GRM5: variants seen among roughly 807,000 people sequenced by gnomAD.
The protein encoded by GRM5 is glutamate metabotropic receptor 5, also known as metabotropic glutamate receptor 5.
GRM5 carries 19 observed loss-of-function variants against 83.1 expected under a neutral mutation model. The observed-to-expected ratio is 0.23, with a 90% CI of 0.16 to 0.34. The LOEUF is 0.34. Among genes scored for constraint, GRM5 ranks in the 10% least tolerant of loss-of-function variants. GRM5 has a pLI of 1.00. For synonymous variants in GRM5, 675 were observed against 633.6 expected (o/e 1.07, Z -0.98); for missense variants, 1,160 against 1,588.3 (o/e 0.73, Z 4.58).
intron 4 of GRM5, among the ~76,000 whole-genome samples, chr11:88,647,430 A>T (rs1371263709): frequency 6.6e-6 from 1 of 152,042 alleles, no homozygotes; most frequent in Non-Finnish European, 1.5e-5. Flanking sequence ...GAGCCCCAAA[A>T]GTATGGTAAC....
At chr11:88,999,310 A>C (rs1453598104) in intron 2 of GRM5, among the ~76,000 whole-genome samples, 1 of 152,212 alleles carries the variant, frequency 6.6e-6, no homozygotes, top group African/African-American at 2.4e-5. Flanking sequence ...CAACCTACAG[A>C]ATGGGAGAAA....
chr11:88,534,397 C>T (rs542529482), intron 8 of GRM5, among the ~76,000 whole-genome samples: 5 of 152,292 alleles, frequency 3.3e-5, no homozygotes, highest in Admixed American at 6.5e-5. Flanking sequence ...CTTGCAGTAG[C>T]GTGACCTGGA....
At chr11:88,633,415 A>T (rs1289013628) in intron 4 of GRM5, among the ~76,000 whole-genome samples, 2 of 152,188 alleles carry the variant, frequency 1.3e-5, no homozygotes, top group African/African-American at 4.8e-5. Context: ...GTCGCGTATA[A>T]GAAACCTTTT....
Position 88,604,729 on chromosome 11 carries a change from G to T in GRM5, c.1383C>A (p.Asp461Glu). 1 of 1,611,456 alleles carries T rather than the reference G, an allele frequency of 6.2e-7. No individual in the cohort carries two copies. The highest frequency in any genetic ancestry group is 8.5e-7 in the Non-Finnish European group (1 of 1,177,640). Residue 461 changes from aspartate (D) to glutamate (E), a missense_variant, in exon 5 of 10, where the codon GAC becomes GAA. Around this residue, in one of 9 missense-constraint regions of GRM5, gnomAD observed 132 missense variants for 197.6 expected, o/e 0.67. Transcript: ENST00000305447. ...GDTILFDENG[D>E]SPGRYEIMNF... ...TTGTAACACAATACCTTCCTGGAGAGTCTCCATTCTCATCGAATAGGATCG... is the reference window on the plus strand; with the variant it reads ...TTGTAACACAATACCTTCCTGGAGATTCTCCATTCTCATCGAATAGGATCG...
chr11:89,046,379 T>C (rs1941642912), intron 2 of GRM5, among the ~76,000 whole-genome samples: 1 of 152,186 alleles, frequency 6.6e-6, no homozygotes, highest in Non-Finnish European at 1.5e-5. Flanking sequence ...ACACATTTTT[T>C]TTTTTCTAGA....
At chr11:88,884,651 T>A (rs935201507) in intron 2 of GRM5, among the ~76,000 whole-genome samples, 1 of 152,176 alleles carries the variant, frequency 6.6e-6, no homozygotes, top group Non-Finnish European at 1.5e-5. Context: ...CTCCCATAAT[T>A]CCCATGTGTC....
intron 3 of GRM5, among the ~76,000 whole-genome samples, chr11:88,795,443 C>A (rs1219794852): frequency 1.3e-5 from 2 of 152,050 alleles, no homozygotes; most frequent in Non-Finnish European, 2.9e-5. Flanking sequence ...TGACCATGAA[C>A]AAAGATACTC....
intron 4 of GRM5, among the ~76,000 whole-genome samples, chr11:88,617,783 C>G (rs1166057858): frequency 6.6e-6 from 1 of 152,080 alleles, no homozygotes; most frequent in Non-Finnish European, 1.5e-5. Flanking sequence ...CCACTTGGTT[C>G]CCATGGCAGG....
intron 9 of GRM5, among the ~76,000 whole-genome samples, chr11:88,524,448 C>A (rs1941810844): frequency 6.6e-6 from 1 of 152,068 alleles, no homozygotes; most frequent in Admixed American, 6.6e-5. Flanking sequence ...GAACTCCTGA[C>A]CTCAGCTGAT....
At chr11:88,670,755 C>T (rs1443952800) in intron 3 of GRM5, among the ~76,000 whole-genome samples, 5 of 151,980 alleles carry the variant, frequency 3.3e-5, no homozygotes, top group Admixed American at 3.3e-4. Context: ...CTACGAATAG[C>T]ACTACTCACA....
chr11:88,757,512 C>A (rs1381930701), intron 3 of GRM5, among the ~76,000 whole-genome samples: 2 of 152,064 alleles, frequency 1.3e-5, no homozygotes, highest in Non-Finnish European at 1.5e-5. Flanking sequence ...ACGGTGGAAC[C>A]ACCCCTGCCT....
intron 6 of GRM5, among the ~76,000 whole-genome samples, chr11:88,596,764 C>A (rs1219533270): frequency 6.6e-6 from 1 of 151,980 alleles, no homozygotes; most frequent in Non-Finnish European, 1.5e-5. Context: ...TTATCTGTGT[C>A]CATGATATTT....
intron 2 of GRM5, among the ~76,000 whole-genome samples, chr11:89,037,643 A>G (rs113513681): frequency 6.1e-4 from 93 of 152,260 alleles, no homozygotes; most frequent in African/African-American, 2.2e-3. Context: ...AAATTGAGAT[A>G]AAAATACCTG....
intron 3 of GRM5, among the ~76,000 whole-genome samples, chr11:88,772,157 T>C (rs1246052306): frequency 6.6e-6 from 1 of 152,112 alleles, no homozygotes; most frequent in Non-Finnish European, 1.5e-5. Context: ...ATTTTAAACA[T>C]AAAGATATCT....
intron 3 of GRM5, among the ~76,000 whole-genome samples, chr11:88,678,918 A>G (rs1940406167): frequency 6.6e-6 from 1 of 152,090 alleles, no homozygotes; most frequent in South Asian, 2.1e-4. Flanking sequence ...ATTTAAAAAA[A>G]AAAAGTGAAA....
chr11:88,828,987 A>T (rs1943939326), intron 3 of GRM5, among the ~76,000 whole-genome samples: 1 of 151,966 alleles, frequency 6.6e-6, no homozygotes, highest in Non-Finnish European at 1.5e-5. Flanking sequence ...ATATCATTAA[A>T]ATTTCAGCCC....
intron 3 of GRM5, among the ~76,000 whole-genome samples, chr11:88,747,418 T>A (rs1330155772): frequency 6.6e-6 from 1 of 152,190 alleles, no homozygotes; most frequent in African/African-American, 2.4e-5. Flanking sequence ...TGAAGCTTCT[T>A]ACTTATGTTC....
chr11:88,576,845 G>T (rs1388729459), intron 7 of GRM5, among the ~76,000 whole-genome samples: 1 of 152,082 alleles, frequency 6.6e-6, no homozygotes, highest in Non-Finnish European at 1.5e-5. Flanking sequence ...ACACATAATA[G>T]GAGCTATAAT....
chr11:88,850,937 G>A (rs1944379307), intron 2 of GRM5, among the ~76,000 whole-genome samples: 1 of 152,058 alleles, frequency 6.6e-6, no homozygotes, highest in African/African-American at 2.4e-5. Context: ...TTATATATGT[G>A]ATCTAATTTA....
Sources: allele counts gnomAD v4.1 joint callset (sites outside exome capture counted in the v4.1 genomes callset), GRCh38; gene constraint gnomAD v4.1.1; regional missense constraint gnomAD v4.1.1; transcripts MANE v1.5; gene names NCBI Gene and HGNC (gene_info 2026-07-23, HGNC 2026-07-21).